IMMT: variants seen among roughly 807,000 people sequenced by gnomAD.
The protein encoded by IMMT is MICOS complex subunit MIC60.
In IMMT, 40 loss-of-function variants were observed where a neutral mutation model predicts 92.7. That is an observed-to-expected ratio of 0.43 (90% CI 0.34 to 0.56). The LOEUF (loss-of-function observed/expected upper bound fraction) is 0.56, where lower values mean the gene tolerates loss of function less well. Ranked by LOEUF, IMMT falls within the 20% of genes least tolerant of loss-of-function variation. The pLI is 0.03. For synonymous variants in IMMT, 322 were observed against 336.1 expected, an observed-to-expected ratio of 0.96 and a Z score of 0.46; for missense variants, 831 against 912.1, an observed-to-expected ratio of 0.91 and a Z score of 1.14.
intron 2 of IMMT, among the ~76,000 whole-genome samples, chr2:86,179,860 G>A (rs1672299388): frequency 6.6e-6 from 1 of 152,002 alleles, no homozygotes. Flanking sequence ...AGGGTTGCTT[G>A]AGCCCAGGAG....
Position 86,144,176 on chromosome 2 carries a change from G to T in IMMT, c.*92C>A. 2 of 1,392,188 alleles carry T rather than the reference G, an allele frequency of 1.4e-6. No homozygotes were observed. Among genetic ancestry groups the T allele is most frequent in the South Asian group, 1.4e-5 (1 of 74,036 alleles). The allele number at this position is 1,392,188 out of a possible 1,614,324, so 86.2% of individuals were successfully genotyped here. ...GTACTTGTAAACCTGCTCATTTCTA[G>T]ACAAGTCCGGGACTCTCGCTGCGAA... On this transcript the variant is annotated 3_prime_UTR_variant, in exon 15 of 15. Coordinates refer to ENST00000410111, the MANE Select transcript of IMMT (RefSeq NM_006839.3).
chr2:86,181,108 T>A (rs763994497), intron 2 of IMMT, among the ~76,000 whole-genome samples, 191 bp downstream of exon 2: 2 of 151,990 alleles, frequency 1.3e-5, no homozygotes, highest in Non-Finnish European at 2.9e-5. Flanking sequence ...AGCCAAAAGG[T>A]GCATTATTAA....
chr2:86,194,263 C>A (rs563429640), intron 1 of IMMT, among the ~76,000 whole-genome samples: 26 of 152,346 alleles, frequency 1.7e-4, no homozygotes, highest in Admixed American at 5.2e-4. Flanking sequence ...GAGCGGAGAA[C>A]ACAGATCATC....
chr2:86,158,514 A>G, intron 10 of IMMT, 78 bp downstream of exon 10: 1 of 1,250,016 alleles, frequency 8.0e-7, no homozygotes, highest in East Asian at 2.5e-5. Flanking sequence ...GTGGACTACA[A>G]TGGAGATGAA....
intron 10 of IMMT, chr2:86,158,303 C>T (rs1173233730): frequency 9.3e-6 from 2 of 213,908 alleles, no homozygotes; most frequent in Non-Finnish European, 1.9e-5. Flanking sequence ...CTTTTGTTCA[C>T]TCAAATTCCA....
chr2:86,152,086 C>G (rs2104695685), intron 11 of IMMT, among the ~76,000 whole-genome samples: 1 of 152,164 alleles, frequency 6.6e-6, no homozygotes, highest in African/African-American at 2.4e-5. Context: ...AGGCTTAAAC[C>G]AATGTTTGTT....
At chr2:86,171,173 A>T (rs1016405674) in intron 5 of IMMT, 35 bp downstream of exon 5, 2 of 1,537,422 alleles carry the variant, frequency 1.3e-6, no homozygotes, top group East Asian at 2.4e-5. Flanking sequence ...TGAGTGTATC[A>T]TGTATAAAAG....
chr2:86,186,119 C>G (rs1390536589), intron 1 of IMMT, among the ~76,000 whole-genome samples: 1 of 152,032 alleles, frequency 6.6e-6, no homozygotes, highest in Non-Finnish European at 1.5e-5. Flanking sequence ...GGCTTTAGAT[C>G]ACCAAAAAAA....
chr2:86,146,026 C>A, intron 14 of IMMT, 42 bp downstream of exon 14: 1 of 1,428,136 alleles, frequency 7.0e-7, no homozygotes, highest in Middle Eastern at 2.5e-4. Flanking sequence ...ATAAATTATG[C>A]TGAGGAAAAT....
intron 13 of IMMT, among the ~76,000 whole-genome samples, chr2:86,147,047 C>T (rs1223598083): frequency 1.3e-5 from 2 of 152,196 alleles, no homozygotes; most frequent in African/African-American, 4.8e-5. Flanking sequence ...AGGTGTTAGC[C>T]ACTGTGCTCA....
Position 86,179,521 on chromosome 2 carries a change from C to G in IMMT, c.221G>C (p.Ser74Thr). 1 of 1,613,432 alleles carries G rather than the reference C, an allele frequency of 6.2e-7. No homozygotes were observed. The highest frequency in any genetic ancestry group is 8.5e-7 in the Non-Finnish European group (1 of 1,179,666). The change falls in exon 3 of 15, where the codon AGT becomes ACT. Residue 74 changes from serine (S) to threonine (T), a missense_variant. Transcript: ENST00000410111. ...TGAGTAAGGTATGGTTTTCTCTACACTTTCCCGGAAATGGGAATCCCATTT... is the reference window on the plus strand; with the variant it reads ...TGAGTAAGGTATGGTTTTCTCTACAGTTTCCCGGAAATGGGAATCCCATTT... ...YAKWDSHFRE[S>T]VEKTIPYSDK...
intron 3 of IMMT, among the ~76,000 whole-genome samples, chr2:86,175,001 G>A (rs1189931268): frequency 6.6e-6 from 1 of 152,178 alleles, no homozygotes; most frequent in East Asian, 1.9e-4. Context: ...CAAAGGGGTT[G>A]TATATTTTTA....
intron 2 of IMMT, among the ~76,000 whole-genome samples, chr2:86,181,061 G>A (rs1022885515): frequency 6.6e-6 from 1 of 152,026 alleles, no homozygotes; most frequent in African/African-American, 2.4e-5. Flanking sequence ...GCACATACAA[G>A]GAGGGCTATG....
intron 12 of IMMT, among the ~76,000 whole-genome samples, chr2:86,149,879 C>CAAAAA (rs548731236): frequency 8.2e-6 from 1 of 121,370 alleles, no homozygotes; most frequent in Admixed American, 8.7e-5. Context: ...GACTCTGTCT[C>CAAAAA]AAAAAAAAAA....
chr2:86,144,369 T>G lies in IMMT; in HGVS notation c.2176A>C (p.Lys726Gln). 6.2e-7 allele frequency: 1 copy of G among 1,614,040 alleles called. No homozygotes were observed. The stretch of plus-strand genomic sequence containing the variant: ...GTTTCTAGGGTCATTCGGGCTTCCT[T>G]CAGCCAGTCCTGTGCCACTCGTCTG... ...ESRRVAQDWL[K>Q]EARMTLETKQ... The change falls in exon 15 of 15, where the codon AAG becomes CAG. Residue 726 changes from lysine (K) to glutamine (Q), a missense_variant. Physicochemically the swap from Lys to Gln is moderately conservative, Grantham distance 53. Transcript: ENST00000410111.
rs1379957035 is a variant in IMMT at position 86,156,229 on chromosome 2, G to A, written c.1162+2363C>T. On this transcript the variant is annotated intron_variant, in intron 10 of 14. Coordinates refer to ENST00000410111, the MANE Select transcript of IMMT (RefSeq NM_006839.3). Reference sequence around the variant, plus strand: ...GTTGCGGCAAACAAAAATGTCTCCCGGTGTTGCCAAATGTCATGTGAGGGA... The same window carrying A: ...GTTGCGGCAAACAAAAATGTCTCCCAGTGTTGCCAAATGTCATGTGAGGGA... Among the ~76,000 whole-genome samples, 4 of 152,076 alleles carry A rather than the reference G, an allele frequency of 2.6e-5. No individual in the cohort carries two copies. In the East Asian group the frequency reaches 7.7e-4, roughly 29 times the overall value.
chr2:86,153,598 T>G, intron 10 of IMMT, 24 bp from the exon 11 acceptor site: 1 of 1,417,170 alleles, frequency 7.1e-7, no homozygotes, highest in Non-Finnish European at 9.5e-7. Flanking sequence ...AATAGAACAG[T>G]TTGAAAAAAA....
At chr2:86,181,049 T>C (rs568971150) in intron 2 of IMMT, among the ~76,000 whole-genome samples, 110 of 152,280 alleles carry the variant, frequency 7.2e-4, no homozygotes, top group Admixed American at 1.0e-3. Flanking sequence ...GAATGGAAGA[T>C]TGCACATACA....
rs367650891 is a variant in IMMT, at chr2:86,146,078, C to G, written c.1653G>C (p.Gln551His). 2 of 1,582,378 alleles carry G rather than the reference C, an allele frequency of 1.3e-6. No homozygotes were observed. Among genetic ancestry groups the G allele is most frequent in the Non-Finnish European group, 1.7e-6 (2 of 1,159,560 alleles). Residue 551 changes from glutamine to histidine, a missense_variant, in exon 14 of 15, where the codon CAG becomes CAC. By Grantham distance (24) the Gln-to-His change is conservative (BLOSUM62 0). Coordinates refer to ENST00000410111, the MANE Select transcript of IMMT (RefSeq NM_006839.3). ...TAYARLRGIE[Q>H]AVQSHAVAEE... ...ATAGCTTATGCTTACTCTGAACAGC[C>G]TGTTCGATTCCTCTGAGTCTGGCAT...
Sources: allele counts gnomAD v4.1 joint callset (sites outside exome capture counted in the v4.1 genomes callset), GRCh38; gene constraint gnomAD v4.1.1; transcripts MANE v1.5; gene names NCBI Gene and HGNC (gene_info 2026-07-23, HGNC 2026-07-21).